CSMD1: variants seen among roughly 807,000 people sequenced by gnomAD.
CSMD1 encodes the protein CUB and sushi domain-containing protein 1.
Under a neutral mutation model 417.5 loss-of-function variants are expected in CSMD1, and 213 were observed. The observed-to-expected ratio is 0.51, with a 90% CI of 0.46 to 0.57. CSMD1 has a LOEUF of 0.57. Among genes scored for constraint, CSMD1 ranks in the 20% least tolerant of loss-of-function variants. The probability of loss-of-function intolerance (pLI) is 0.00; values close to 1 mark genes in which losing one functional copy is unlikely to be tolerated. For synonymous variants in CSMD1, 2,862 were observed against 1,736.8 expected (o/e 1.65, Z -16.11); for missense variants, 6,923 against 4,529.7 (o/e 1.53, Z -15.17).
At position 3,406,044 on chromosome 8, in the gene CSMD1, G is replaced by T. The variant is rs1206585551; in HGVS notation, c.2249C>A (p.Thr750Asn). 1.9e-6 allele frequency: 3 copies of T among 1,613,756 alleles called. No individual in the cohort carries two copies. In the African/African-American group the frequency reaches 4.0e-5, roughly 22 times the overall value. The stretch of plus-strand genomic sequence containing the variant: ...GACTGCACCTTCACAGCGGGGCACG[G>T]TGGAGCTCCAGACCACGTTCCCGTC... ...LQDGNVVWSS[T>N]VPRCEAPCGG... Residue 750 changes from threonine (T) to asparagine (N), a missense_variant, in exon 15 of 70, where the codon ACC becomes AAC. Transcript: ENST00000635120.
chr8:4,151,034 G>C (rs553035078), intron 3 of CSMD1, among the ~76,000 whole-genome samples: 2 of 152,132 alleles, frequency 1.3e-5, no homozygotes, highest in African/African-American at 4.8e-5. Context: ...ATATGCAGAC[G>C]TAATAAAACG....
At chr8:4,466,345 C>G (rs193146991) in intron 2 of CSMD1, among the ~76,000 whole-genome samples, 29 of 152,102 alleles carry the variant, frequency 1.9e-4, no homozygotes, top group African/African-American at 6.7e-4. Flanking sequence ...GAAAAGTTGA[C>G]AGAGGTTGAC....
At chr8:3,705,159 G>C (rs1392884197) in intron 7 of CSMD1, among the ~76,000 whole-genome samples, 4 of 152,210 alleles carry the variant, frequency 2.6e-5, no homozygotes, top group African/African-American at 9.6e-5. Context: ...GGACAGGGCA[G>C]TGGCAGGGGA....
intron 5 of CSMD1, among the ~76,000 whole-genome samples, chr8:3,823,331 G>A (rs902786015): frequency 2.0e-5 from 3 of 152,122 alleles, no homozygotes; most frequent in Non-Finnish European, 2.9e-5. Context: ...ATGTGTAACA[G>A]GGACCCAGTA....
intron 1 of CSMD1, among the ~76,000 whole-genome samples, chr8:4,662,121 T>C (rs1307357065): frequency 2.6e-5 from 4 of 152,324 alleles, no homozygotes; most frequent in South Asian, 4.1e-4. Context: ...TTTTCTTTTC[T>C]AATAGATTGC....
chr8:4,190,608 G>T (rs1415129895), intron 3 of CSMD1, among the ~76,000 whole-genome samples: 1 of 151,762 alleles, frequency 6.6e-6, no homozygotes, highest in Non-Finnish European at 1.5e-5. Flanking sequence ...ATGTGGAATG[G>T]AAGCTCAAAG....
chr8:2,987,374 A>C (rs694216), intron 54 of CSMD1, among the ~76,000 whole-genome samples: 1,938 of 149,018 alleles, frequency 0.013, 39 homozygotes, highest in African/African-American at 0.045. Flanking sequence ...TAAATAAGAA[A>C]TATATAAGTA....
chr8:4,867,600 T>C (rs1390102732), intron 1 of CSMD1, among the ~76,000 whole-genome samples: 1 of 152,076 alleles, frequency 6.6e-6, no homozygotes, highest in Non-Finnish European at 1.5e-5. Context: ...AGCGCTGTAT[T>C]TTTGTATCAC....
At chr8:4,729,543 G>C (rs1329138691) in intron 1 of CSMD1, among the ~76,000 whole-genome samples, 1 of 152,150 alleles carries the variant, frequency 6.6e-6, no homozygotes, top group African/African-American at 2.4e-5. Context: ...TTATGCTGTT[G>C]AGAATGATGC....
At chr8:4,049,139 T>G (rs961655567) in intron 3 of CSMD1, among the ~76,000 whole-genome samples, 1 of 152,168 alleles carries the variant, frequency 6.6e-6, no homozygotes, top group African/African-American at 2.4e-5. Context: ...CTATTCTTTC[T>G]TATTCTTCTG....
chr8:3,414,724 G>T (rs1288196242), intron 12 of CSMD1, among the ~76,000 whole-genome samples: 1 of 152,108 alleles, frequency 6.6e-6, no homozygotes, highest in Non-Finnish European at 1.5e-5. Flanking sequence ...TTCTTTCCCG[G>T]TGTTTCACAA....
chr8:3,484,340 G>C (rs551139979), intron 11 of CSMD1, among the ~76,000 whole-genome samples: 20 of 152,292 alleles, frequency 1.3e-4, no homozygotes, highest in East Asian at 3.9e-4. Context: ...AGAAAGGCGA[G>C]TCCTTTCAAC....
chr8:4,565,789 T>C lies in CSMD1; in HGVS notation c.302+71553A>G, dbSNP rs1240899015. On this transcript the variant is annotated intron_variant, in intron 2 of 69. Transcript: ENST00000635120. ...ATATATATATATATATATATATATA[T>C]ATATATATGTATACATATATATATT... is the stretch of plus-strand genomic sequence containing the variant. Among the ~76,000 whole-genome samples, 6 of 73,964 alleles carry C rather than the reference T, an allele frequency of 8.1e-5. No individual in the cohort carries two copies. In the East Asian group the frequency reaches 1.4e-3, roughly 17 times the overall value. The allele number at this position is 73,964 out of a possible 152,430, so 48.5% of individuals were successfully genotyped here. A position where few individuals can be genotyped will look rare whatever the true frequency, so the allele number is the denominator to read the frequency against.
chr8:3,785,012 G>T (rs531066758), intron 5 of CSMD1, among the ~76,000 whole-genome samples: 1 of 152,174 alleles, frequency 6.6e-6, no homozygotes, highest in East Asian at 1.9e-4. Flanking sequence ...TAGCTAAACA[G>T]TTATAAGTAG....
chr8:3,643,385 G>T (rs888650387), intron 7 of CSMD1, among the ~76,000 whole-genome samples: 2 of 152,106 alleles, frequency 1.3e-5, no homozygotes, highest in African/African-American at 2.4e-5. Flanking sequence ...CAGACCTCCA[G>T]AGTCCCTGAG....
intron 29 of CSMD1, 26 bp downstream of exon 29, chr8:3,219,229 C>G: frequency 1.3e-6 from 2 of 1,553,588 alleles, no homozygotes; most frequent in African/African-American, 2.7e-5. Context: ...AATTAATTCC[C>G]ACTCAAATTC....
chr8:4,360,262 C>T (rs1345843185), intron 3 of CSMD1, among the ~76,000 whole-genome samples: 1 of 152,102 alleles, frequency 6.6e-6, no homozygotes, highest in African/African-American at 2.4e-5. Context: ...CACACATCTA[C>T]CTCCCTGAAT....
intron 41 of CSMD1, among the ~76,000 whole-genome samples, chr8:3,122,869 T>C (rs1817287718): frequency 6.6e-6 from 1 of 152,176 alleles, no homozygotes; most frequent in South Asian, 2.1e-4. Flanking sequence ...ATACAGTAGC[T>C]ACATTATATA....
At chr8:4,466,211 G>C (rs191336411) in intron 2 of CSMD1, among the ~76,000 whole-genome samples, 2 of 152,094 alleles carry the variant, frequency 1.3e-5, no homozygotes, top group Non-Finnish European at 2.9e-5. Flanking sequence ...TTTTATAATA[G>C]TGAGACAGGG....
Sources: gnomAD v4.1 joint callset for allele counts (sites outside exome capture counted in the v4.1 genomes callset) on GRCh38, gnomAD v4.1.1 for gene constraint, MANE v1.5 for transcripts, NCBI Gene and HGNC (gene_info 2026-07-23, HGNC 2026-07-21) for gene names.